Variants in SORCS3 observed in about 807,000 individuals in gnomAD.
SORCS3 encodes sortilin related VPS10 domain containing receptor 3, also known as VPS10 domain-containing receptor SorCS3.
Under a neutral mutation model 146.3 loss-of-function variants are expected in SORCS3, and 57 were observed. The ratio of observed to expected loss-of-function variants is 0.39; its 90% CI spans 0.31 to 0.49. The LOEUF is 0.49. Ranked by LOEUF, SORCS3 falls within the 20% of genes least tolerant of loss-of-function variation. SORCS3 has a pLI of 0.92. For missense variants in SORCS3, 1,341 were observed against 1,575.5 expected, an observed-to-expected ratio of 0.85 and a Z score of 2.52; for synonymous variants, 653 against 618.5, an observed-to-expected ratio of 1.06 and a Z score of -0.83.
intron 1 of SORCS3, among the ~76,000 whole-genome samples, chr10:104,740,655 G>A (rs1032316088): frequency 6.6e-6 from 1 of 152,156 alleles, no homozygotes; most frequent in Non-Finnish European, 1.5e-5. Context: ...TCAATGAAAG[G>A]TTAATGGATT....
intron 1 of SORCS3, among the ~76,000 whole-genome samples, chr10:104,703,150 A>T (rs2016300025): frequency 1.3e-5 from 2 of 152,214 alleles, no homozygotes; most frequent in African/African-American, 4.8e-5. Context: ...AAGAAGTTGA[A>T]GTCTCAAGAA....
In SORCS3 at chr10:104,902,676, G is replaced by A. The variant is rs561244376; in HGVS notation, c.696-13157G>A. The stretch of plus-strand genomic sequence containing the variant: ...ATTTTCCAGAGGAGAAACAGGGAAT[G>A]GTGGTAAGACAGTTGTAGGAAGGAA... On this transcript the variant is annotated intron_variant, in intron 2 of 26. Coordinates refer to ENST00000369701, the MANE Select transcript of SORCS3 (RefSeq NM_014978.3). Among the ~76,000 whole-genome samples, 8 of 152,338 alleles carry A rather than the reference G, an allele frequency of 5.3e-5. No homozygotes were observed. The South Asian group carries it at 1.7e-3, about 32-fold the overall frequency.
At chr10:104,873,531 C>T (rs2018540463) in intron 2 of SORCS3, among the ~76,000 whole-genome samples, 2 of 152,144 alleles carry the variant, frequency 1.3e-5, no homozygotes, top group African/African-American at 4.8e-5. Context: ...ATTTCCTTCT[C>T]CTTTTTTATA....
intron 2 of SORCS3, among the ~76,000 whole-genome samples, chr10:104,857,997 A>G (rs11192208): frequency 0.096 from 14,677 of 152,186 alleles, 899 homozygotes; most frequent in South Asian, 0.25. Context: ...GATGCTTCAT[A>G]TTGGCATCCT....
At chr10:105,077,861 T>C (rs1377480494) in intron 5 of SORCS3, among the ~76,000 whole-genome samples, 1 of 152,150 alleles carries the variant, frequency 6.6e-6, no homozygotes, top group Non-Finnish European at 1.5e-5. Context: ...GACATGGGTG[T>C]CAGTGTCTGC....
intron 2 of SORCS3, among the ~76,000 whole-genome samples, chr10:104,887,651 A>G (rs550545469): frequency 5.7e-4 from 87 of 152,226 alleles, no homozygotes; most frequent in African/African-American, 1.5e-3. Context: ...AAGATCCCCA[A>G]GTGGTGATGT....
chr10:105,096,103 TACACACAC>T (rs60438282), intron 6 of SORCS3, among the ~76,000 whole-genome samples: 5 of 145,228 alleles, frequency 3.4e-5, no homozygotes, highest in Non-Finnish European at 6.1e-5. Context: ...ACCTCACAAA[TACACACAC>T]ACACACACAC....
chr10:104,888,024 T>A lies in SORCS3; in HGVS notation c.696-27809T>A, dbSNP rs145413633. Among the ~76,000 whole-genome samples, 248 of 130,664 alleles carry A rather than the reference T, an allele frequency of 1.9e-3. 1 individual carries two copies. The highest frequency in any genetic ancestry group is 8.7e-3 in the African/African-American group (232 of 26,772). The allele number at this position is 130,664 out of a possible 152,430, so 85.7% of individuals were successfully genotyped here. A position where few individuals can be genotyped will look rare whatever the true frequency, so the allele number is the denominator to read the frequency against. ...AGACCAATGAGAGTGCTTCTAAGAG[T>A]TTGGGTTTATGGTGTGTTTTTTTTG... is the stretch of plus-strand genomic sequence containing the variant. On this transcript the variant is annotated intron_variant, in intron 2 of 26. Transcript: ENST00000369701.
intron 20 of SORCS3, among the ~76,000 whole-genome samples, chr10:105,236,728 A>T (rs1159123948): frequency 3.3e-5 from 5 of 152,200 alleles, no homozygotes; most frequent in Non-Finnish European, 7.4e-5. Flanking sequence ...CTAAAAACAA[A>T]TAAATGAACA....
rs201995416 is a variant in SORCS3 at position 105,214,553 on chromosome 10, C to T, written c.2487C>T (p.Thr829=). 1.2e-4 allele frequency: 187 copies of T among 1,610,996 alleles called. No homozygotes were observed. The highest frequency in any genetic ancestry group is 4.5e-4 in the South Asian group (41 of 90,674). Reference sequence around the variant, plus strand: ...CTCGGGGCCTCCATGTGGTGACGACCGATGGGCGGCTGGTGGCAGAGCAGG... The same window carrying T: ...CTCGGGGCCTCCATGTGGTGACGACTGATGGGCGGCTGGTGGCAGAGCAGG... ...KAPRGLHVVT[T]DGRLVAEQGH... is the part of the protein sequence containing the mutation. Residue 829 remains threonine (T), a synonymous_variant, in exon 18 of 27, where the codon ACC becomes ACT. Coordinates refer to ENST00000369701, the MANE Select transcript of SORCS3 (RefSeq NM_014978.3).
intron 1 of SORCS3, among the ~76,000 whole-genome samples, chr10:104,670,485 A>C (rs2015837947): frequency 1.3e-5 from 2 of 152,314 alleles, no homozygotes; most frequent in African/African-American, 4.8e-5. Flanking sequence ...TTTCTCAAAA[A>C]TCATTTGACC....
At chr10:104,853,417 G>C (rs1430308699) in intron 2 of SORCS3, among the ~76,000 whole-genome samples, 5 of 152,374 alleles carry the variant, frequency 3.3e-5, no homozygotes, top group East Asian at 1.9e-4. Flanking sequence ...ACTTAAGCAA[G>C]ATATAGGATT....
chr10:105,003,140 G>GTGA (rs974225143), intron 4 of SORCS3, among the ~76,000 whole-genome samples: 1 of 152,194 alleles, frequency 6.6e-6, no homozygotes, highest in Admixed American at 6.5e-5. Flanking sequence ...CGCTCTCATA[G>GTGA]TGATGGTGGG....
At chr10:105,217,895 G>C in intron 19 of SORCS3, 1 of 454,108 alleles carries the variant, frequency 2.2e-6, no homozygotes, top group Non-Finnish European at 4.4e-6. Context: ...TTTCCCACAT[G>C]TGTATCAGTG....
chr10:105,084,924 G>T (rs2055649846), intron 5 of SORCS3, among the ~76,000 whole-genome samples: 1 of 151,922 alleles, frequency 6.6e-6, no homozygotes, highest in South Asian at 2.1e-4. Context: ...TAGAGACGGG[G>T]TTTCACCATG....
chr10:105,182,230 C>CTTTTT lies in SORCS3; in HGVS notation c.2009+4076_2009+4080dup, dbSNP rs11340368. 9.1e-3 allele frequency among the ~76,000 whole-genome samples: 643 copies of CTTTTT among 70,428 alleles called. 33 individuals carry two copies. The highest frequency in any genetic ancestry group is 0.038 in the South Asian group (61 of 1,614). 46.2% of individuals were successfully genotyped at this position (70,428 alleles called of 152,430 possible). The stretch of plus-strand genomic sequence containing the variant: ...CAGCCAACTTGTGACTATTCAGCAT[C>CTTTTT]TTTTTTTTTTTTTTTTTTTTTTTGT... On this transcript the variant is annotated intron_variant, in intron 14 of 26. Coordinates refer to ENST00000369701, the MANE Select transcript of SORCS3 (RefSeq NM_014978.3).
At chr10:105,244,556 C>A (rs2056854759) in intron 20 of SORCS3, among the ~76,000 whole-genome samples, 1 of 152,034 alleles carries the variant, frequency 6.6e-6, no homozygotes, top group African/African-American at 2.4e-5. Flanking sequence ...TATCTGCATT[C>A]TATTTCTGTC....
intron 26 of SORCS3, 97 bp downstream of exon 26, chr10:105,262,588 G>A (rs940565907): frequency 1.3e-5 from 17 of 1,283,102 alleles, no homozygotes; most frequent in Middle Eastern, 5.8e-4. Context: ...TGGAGGGTGG[G>A]GACAAACAAC....
intron 18 of SORCS3, among the ~76,000 whole-genome samples, chr10:105,216,697 T>C (rs1185352787): frequency 1.3e-5 from 2 of 152,164 alleles, no homozygotes; most frequent in Non-Finnish European, 2.9e-5. Context: ...CCCACTATTG[T>C]CAGTGTCATA....
Sources: allele counts gnomAD v4.1 joint callset (sites outside exome capture counted in the v4.1 genomes callset), GRCh38; gene constraint gnomAD v4.1.1; transcripts MANE v1.5; gene names NCBI Gene and HGNC (gene_info 2026-07-23, HGNC 2026-07-21).